Variants in DLGAP3 observed in about 807,000 individuals in gnomAD.
DLGAP3 encodes the protein DLG associated protein 3, also known as disks large-associated protein 3.
A neutral mutation model predicts 81.2 loss-of-function variants in DLGAP3; 17 were observed. That is an observed-to-expected ratio of 0.21 (90% CI 0.14 to 0.31). The LOEUF is 0.31. Ranked by LOEUF, DLGAP3 falls within the 10% of genes least tolerant of loss-of-function variation. DLGAP3 has a pLI of 1.00. For synonymous variants in DLGAP3, 577 were observed against 587.4 expected, an observed-to-expected ratio of 0.98 and a Z score of 0.26; for missense variants, 1,124 against 1,388.0, an observed-to-expected ratio of 0.81 and a Z score of 3.02.
rs549794545 is a variant in DLGAP3 at position 34,913,435 on chromosome 1, A to G, written c.-134-5998T>C. Among the ~76,000 whole-genome samples the G allele has an allele frequency of 3.3e-5, 5 of 152,248 alleles. No individual in the cohort carries two copies. The South Asian group carries it at 1.0e-3, about 32-fold the overall frequency. The stretch of plus-strand genomic sequence containing the variant: ...GGAACACTCTGCCCCAGATATTCCC[A>G]TGGCTTCCTCTGCCTCGGAAGAGAC... On this transcript the variant is annotated intron_variant, in intron 1 of 11. Coordinates refer to ENST00000373347, the MANE Select transcript of DLGAP3 (RefSeq NM_001080418.3).
intron 1 of DLGAP3, among the ~76,000 whole-genome samples, chr1:34,912,420 A>G (rs1193422577): frequency 2.0e-5 from 3 of 152,174 alleles, no homozygotes; most frequent in African/African-American, 4.8e-5. Flanking sequence ...CAAGATGAAG[A>G]CTTCAAAAGT....
Position 34,877,537 on chromosome 1 carries a change from C to T in DLGAP3, c.2000+7441G>A, listed in dbSNP as rs536194779. 2.6e-5 allele frequency among the ~76,000 whole-genome samples: 4 copies of T among 152,250 alleles called. No individual in the cohort carries two copies. The East Asian group carries it at 5.8e-4, about 22-fold the overall frequency. ...AGTGAACACACAAATTACGGAAACA[C>T]GTATGTAAATCTAAACTGTTAAAGC... On this transcript the variant is annotated intron_variant, in intron 8 of 11. Transcript: ENST00000373347.
chr1:34,893,795 A>G (rs1639348136), intron 5 of DLGAP3, among the ~76,000 whole-genome samples: 1 of 152,260 alleles, frequency 6.6e-6, no homozygotes, highest in South Asian at 2.1e-4. Context: ...TATAAATGGT[A>G]CACTAAAATA....
rs1158078556 is a variant in DLGAP3 at position 34,866,152 on chromosome 1, G to A, written c.2871C>T (p.Arg957=). ...LLAAKRAASF[R]HSSATESADS... ...CGGCGCTCTCGGTGGCCGAGCTGTG[G>A]CGGAAGGAAGCGGCGCGCTTGGCCG... The change falls in exon 12 of 12, where the codon CGC becomes CGT. Residue 957 remains arginine, a synonymous_variant. Transcript: ENST00000373347. The A allele has an allele frequency of 6.9e-6, 11 of 1,597,640 alleles. No homozygotes were observed. Among genetic ancestry groups the A allele is most frequent in the Non-Finnish European group, 9.3e-6 (11 of 1,178,770 alleles).
At chr1:34,876,943 G>C (rs773442328) in intron 8 of DLGAP3, among the ~76,000 whole-genome samples, 3 of 152,186 alleles carry the variant, frequency 2.0e-5, no homozygotes, top group Non-Finnish European at 2.9e-5. Flanking sequence ...AGAGTAGACT[G>C]AATTAACTTA....
At position 34,904,655 on chromosome 1, in the gene DLGAP3, C is replaced by T. The variant is rs768193885; in HGVS notation, c.729G>A (p.Lys243=). 6.8e-6 allele frequency: 11 copies of T among 1,614,062 alleles called. No homozygotes were observed. In the African/African-American group the frequency reaches 8.0e-5, roughly 12 times the overall value. The change falls in exon 3 of 12, where the codon AAG becomes AAA. Residue 243 remains lysine (K), a synonymous_variant. Transcript: ENST00000373347. The surrounding 1 kb of genome is among the most constrained non-coding windows in gnomAD (Gnocchi z 8.1). ...HHQSRHGKRS[K]SKDRKGDGRH... ...GCCCATCCCCCTTGCGGTCCTTGCT[C>T]TTGCTCCTCTTGCCGTGCCGGGACT... is the stretch of plus-strand genomic sequence containing the variant.
At chr1:34,914,939 G>A (rs1259076448) in intron 1 of DLGAP3, among the ~76,000 whole-genome samples, 1 of 152,190 alleles carries the variant, frequency 6.6e-6, no homozygotes, top group African/African-American at 2.4e-5. Context: ...AGACAGCAGA[G>A]CAAAGACCTG....
intron 8 of DLGAP3, among the ~76,000 whole-genome samples, chr1:34,874,026 T>C (rs1319653101): frequency 6.6e-6 from 1 of 152,182 alleles, no homozygotes; most frequent in Non-Finnish European, 1.5e-5. Flanking sequence ...GCCCATGAGA[T>C]AAAAGTAGAA....
Position 34,922,824 on chromosome 1 carries a change from C to T in DLGAP3, c.-135+6627G>A, listed in dbSNP as rs531090084. ...CTTCATATTCTCTCCAAGTACATCA[C>T]AAGTTTGCATTTGCTCTCTCCTCTT... On this transcript the variant is annotated intron_variant, in intron 1 of 11. Transcript: ENST00000373347. 1.8e-4 allele frequency among the ~76,000 whole-genome samples: 28 copies of T among 152,298 alleles called. No individual in the cohort carries two copies. In the South Asian group the frequency reaches 5.8e-3, roughly 32 times the overall value.
intron 8 of DLGAP3, among the ~76,000 whole-genome samples, chr1:34,878,352 T>C (rs977066914): frequency 6.6e-6 from 1 of 151,174 alleles, no homozygotes; most frequent in South Asian, 2.1e-4. Flanking sequence ...ATCTAAAACA[T>C]AAGGATATAG....
At chr1:34,912,263 G>A (rs1639650745) in intron 1 of DLGAP3, among the ~76,000 whole-genome samples, 1 of 152,134 alleles carries the variant, frequency 6.6e-6, no homozygotes, top group South Asian at 2.1e-4. Flanking sequence ...TAATTTCTCT[G>A]GATGACCATC....
chr1:34,906,825 C>T (rs1319305317), intron 2 of DLGAP3, among the ~76,000 whole-genome samples: 1 of 152,164 alleles, frequency 6.6e-6, no homozygotes, highest in Non-Finnish European at 1.5e-5. Context: ...GCCAAGGCTA[C>T]AGGACAGAGA....
Position 34,905,054 on chromosome 1 carries a change from C to T in DLGAP3, c.330G>A (p.Gln110=). 1.3e-6 allele frequency: 2 copies of T among 1,598,998 alleles called. No homozygotes were observed. The highest frequency in any genetic ancestry group is 1.7e-6 in the Non-Finnish European group (2 of 1,172,948). ...GAGGCAGGCGGGGGGCACCCTTGCC[C>T]TGTGGGTGGCCCACACAGTCTTCAC... ...DTCEDCVGHP[Q]GKGAPRLPPT... is the part of the protein sequence containing the mutation. Residue 110 remains glutamine, a synonymous_variant, in exon 3 of 12, where the codon CAG becomes CAA. Transcript: ENST00000373347.
rs574860708 is a variant in DLGAP3, at chr1:34,900,591, T to G, written c.1108-318A>C. Among the ~76,000 whole-genome samples, 43 of 152,328 alleles carry G rather than the reference T, an allele frequency of 2.8e-4. 1 individual carries two copies. The South Asian group carries it at 8.1e-3, about 29-fold the overall frequency. ...CAATCCCATGCCCAGCAGTCAGGCATCACCTGACCTCAGTCAACCTTCTAC... is the reference window on the plus strand; with the variant it reads ...CAATCCCATGCCCAGCAGTCAGGCAGCACCTGACCTCAGTCAACCTTCTAC... On this transcript the variant is annotated intron_variant, in intron 3 of 11. Coordinates refer to ENST00000373347, the MANE Select transcript of DLGAP3 (RefSeq NM_001080418.3). This position sits in a 1 kb window ranked among gnomAD's most constrained non-coding sequence, Gnocchi z 5.6.
In DLGAP3 at chr1:34,886,242, G is replaced by A. The variant is rs1203367158; in HGVS notation, c.1430C>T (p.Ser477Leu). Residue 477 changes from serine (S) to leucine (L), a missense_variant, in exon 6 of 12, where the codon TCG becomes TTG. This residue lies in a region of DLGAP3 where 357 missense variants were observed against 408.8 expected (regional missense o/e 0.87). Coordinates refer to ENST00000373347, the MANE Select transcript of DLGAP3 (RefSeq NM_001080418.3). Reference sequence around the variant, plus strand: ...CTGGGACTCCAGCTCCCCAAACACCGACCCGCACACGGCCTCCAGCTGCTG... The same window carrying A: ...CTGGGACTCCAGCTCCCCAAACACCAACCCGCACACGGCCTCCAGCTGCTG... ...LNQQLEAVCG[S>L]VFGELESQAV... 1 of 1,609,308 alleles carries A rather than the reference G, an allele frequency of 6.2e-7. No individual in the cohort carries two copies.
Position 34,868,852 on chromosome 1 carries a change from C to A in DLGAP3, c.2238G>T (p.Pro746=). 6.3e-7 allele frequency: 1 copy of A among 1,586,902 alleles called. No homozygotes were observed. The highest frequency in any genetic ancestry group is 8.5e-7 in the Non-Finnish European group (1 of 1,171,536). The change falls in exon 9 of 12, where the codon CCG becomes CCT. Residue 746 remains proline, a synonymous_variant. Transcript: ENST00000373347. This position sits in a 1 kb window ranked among gnomAD's most constrained non-coding sequence, Gnocchi z 7.5. ...QWAYREGYPL[P]YEPPATDGSP... is the part of the protein sequence containing the mutation. ...ACCCATCGGTGGCCGGCGGCTCGTA[C>A]GGCAGTGGGTAGCCCTCGCGGTAGG...
chr1:34,903,480 A>G (rs892538491), intron 3 of DLGAP3, among the ~76,000 whole-genome samples: 8 of 152,248 alleles, frequency 5.3e-5, no homozygotes, highest in Non-Finnish European at 1.0e-4. Context: ...TTTTTCTCCT[A>G]AAATTACGGC....
chr1:34,914,432 G>C (rs1354426248), intron 1 of DLGAP3, among the ~76,000 whole-genome samples: 1 of 152,190 alleles, frequency 6.6e-6, no homozygotes. Flanking sequence ...CTGAGAGAGA[G>C]GACTTCTAGG....
chr1:34,899,319 C>T (rs998085161), intron 5 of DLGAP3, among the ~76,000 whole-genome samples: 72 of 152,182 alleles, frequency 4.7e-4, no homozygotes, highest in African/African-American at 1.3e-3. Context: ...CCGACCACCT[C>T]GGCCTCCCAA....
Sources: gnomAD v4.1 joint callset for allele counts (sites outside exome capture counted in the v4.1 genomes callset) on GRCh38, gnomAD v4.1.1 for gene constraint, gnomAD v4.1.1 regional missense constraint, Gnocchi (gnomAD v3.1) non-coding constraint, MANE v1.5 for transcripts, NCBI Gene and HGNC (gene_info 2026-07-23, HGNC 2026-07-21) for gene names.